Variants in NOL4 observed in about 807,000 individuals in gnomAD.
The protein encoded by NOL4 is nucleolar protein 4.
NOL4 carries 17 observed loss-of-function variants against 75.9 expected under a neutral mutation model. The observed-to-expected ratio is 0.22, with a 90% CI of 0.15 to 0.34. The LOEUF is 0.34. Ranked by LOEUF, NOL4 falls within the 10% of genes least tolerant of loss-of-function variation. NOL4 has a pLI of 1.00. For missense variants in NOL4, 614 were observed against 793.5 expected (o/e 0.77, Z 2.72); for synonymous variants, 292 against 289.9 (o/e 1.01, Z -0.07).
intron 10 of NOL4, among the ~76,000 whole-genome samples, chr18:33,864,172 T>C (rs1161835607): frequency 2.0e-5 from 3 of 152,176 alleles, no homozygotes; most frequent in Admixed American, 6.5e-5. Context: ...GAGTTACTGC[T>C]GCCAAGATCT....
intron 10 of NOL4, among the ~76,000 whole-genome samples, chr18:33,879,043 A>C (rs1306764314): frequency 6.6e-6 from 1 of 152,150 alleles, no homozygotes; most frequent in East Asian, 1.9e-4. Flanking sequence ...GTTCCTCTCT[A>C]TGTGAGGCTA....
intron 1 of NOL4, among the ~76,000 whole-genome samples, chr18:34,136,398 AT>A: frequency 6.6e-6 from 1 of 152,288 alleles, no homozygotes; most frequent in Non-Finnish European, 1.5e-5. Context: ...AGAAGTAAAA[AT>A]ATCTTTGTAG....
intron 5 of NOL4, among the ~76,000 whole-genome samples, chr18:34,061,255 CT>C (rs1382962577): frequency 6.6e-6 from 1 of 152,054 alleles, no homozygotes; most frequent in African/African-American, 2.4e-5. Context: ...AAGATATTTG[CT>C]GAATTAGTGT....
At chr18:34,065,353 C>A (rs542672775) in intron 5 of NOL4, among the ~76,000 whole-genome samples, 38 of 151,976 alleles carry the variant, frequency 2.5e-4, no homozygotes, top group Non-Finnish European at 4.6e-4. Context: ...AGCTTATTAA[C>A]CCTCACATAA....
intron 5 of NOL4, among the ~76,000 whole-genome samples, chr18:34,079,175 T>A (rs2077881940): frequency 6.6e-6 from 1 of 152,146 alleles, no homozygotes; most frequent in South Asian, 2.1e-4. Context: ...CCATATTTTG[T>A]GAGGCTTTGG....
intron 10 of NOL4, among the ~76,000 whole-genome samples, chr18:33,860,948 C>A (rs1226892246): frequency 2.6e-5 from 4 of 152,000 alleles, no homozygotes; most frequent in Non-Finnish European, 4.4e-5. Flanking sequence ...ATTGATTTGC[C>A]TATATTGAAC....
intron 2 of NOL4, among the ~76,000 whole-genome samples, chr18:34,113,412 A>G (rs777490084): frequency 1.3e-5 from 2 of 152,150 alleles, no homozygotes; most frequent in Non-Finnish European, 2.9e-5. Flanking sequence ...GGCTGAGGCT[A>G]GAGGATCACT....
chr18:34,132,510 C>T (rs1368377224), intron 1 of NOL4, among the ~76,000 whole-genome samples: 1 of 152,088 alleles, frequency 6.6e-6, no homozygotes, highest in Admixed American at 6.6e-5. Flanking sequence ...GGAAAATTGT[C>T]TATTATCTTC....
At chr18:33,994,020 A>T (rs1415188224) in intron 6 of NOL4, among the ~76,000 whole-genome samples, 1 of 151,826 alleles carries the variant, frequency 6.6e-6, no homozygotes, top group East Asian at 1.9e-4. Flanking sequence ...ATAAGACAAA[A>T]TAGACTTTAA....
At chr18:34,008,222 C>T (rs766961656) in intron 6 of NOL4, among the ~76,000 whole-genome samples, 3 of 151,972 alleles carry the variant, frequency 2.0e-5, no homozygotes, top group Non-Finnish European at 4.4e-5. Flanking sequence ...ACACCATTGG[C>T]TCCCTTGGTT....
intron 9 of NOL4, among the ~76,000 whole-genome samples, chr18:33,917,066 A>G (rs1465178302): frequency 2.6e-5 from 4 of 152,298 alleles, no homozygotes; most frequent in African/African-American, 9.6e-5. Flanking sequence ...GCTGATAAGC[A>G]GCTTTTTTTT....
chr18:33,936,429 A>G (rs1385680914), intron 9 of NOL4, among the ~76,000 whole-genome samples: 1 of 138,480 alleles, frequency 7.2e-6, no homozygotes, highest in East Asian at 2.1e-4. Flanking sequence ...TTTTTTTGGT[A>G]ACTTAGTGAT....
chr18:33,958,895 A>C lies in NOL4; in HGVS notation c.1057-477T>G, dbSNP rs531748416. ...ATGCTAACTTTATTAGTATTCTTTAAACAGTTATGGAAACTGAGGGATGTT... is the reference window on the plus strand; with the variant it reads ...ATGCTAACTTTATTAGTATTCTTTACACAGTTATGGAAACTGAGGGATGTT... On this transcript the variant is annotated intron_variant, in intron 6 of 10. Coordinates refer to ENST00000261592, the MANE Select transcript of NOL4 (RefSeq NM_003787.5). 2.0e-5 allele frequency among the ~76,000 whole-genome samples: 3 copies of C among 152,244 alleles called. No individual in the cohort carries two copies. In the South Asian group the frequency reaches 6.2e-4, roughly 32 times the overall value.
chr18:33,888,610 G>A (rs999026371), intron 9 of NOL4, among the ~76,000 whole-genome samples: 1 of 151,960 alleles, frequency 6.6e-6, no homozygotes, highest in Non-Finnish European at 1.5e-5. Flanking sequence ...GTGTAAGGAA[G>A]GGATCCAGTT....
intron 9 of NOL4, among the ~76,000 whole-genome samples, chr18:33,928,528 T>G (rs2067482373): frequency 6.6e-6 from 1 of 152,064 alleles, no homozygotes; most frequent in Non-Finnish European, 1.5e-5. Flanking sequence ...CAGCTTCAGA[T>G]TCTCCATCCA....
rs868347391 is a variant in NOL4, at chr18:33,886,944, C to A, written c.1543-3520G>T. On this transcript the variant is annotated intron_variant, in intron 9 of 10. Transcript: ENST00000261592. ...CATATATATCTATATATCTATATAT[C>A]TAGATATATTATATCTAGATATATC... Among the ~76,000 whole-genome samples, 12 of 125,678 alleles carry A rather than the reference C, an allele frequency of 9.5e-5. No individual in the cohort carries two copies. In the South Asian group the frequency reaches 2.8e-3, roughly 29 times the overall value. 82.4% of individuals were successfully genotyped at this position (125,678 alleles called of 152,430 possible).
chr18:33,970,100 C>A (rs557975966), intron 6 of NOL4, among the ~76,000 whole-genome samples: 1 of 152,238 alleles, frequency 6.6e-6, no homozygotes, highest in African/African-American at 2.4e-5. Context: ...TGATGCAGCT[C>A]CTGAAAGTCT....
At chr18:34,130,045 A>C in intron 1 of NOL4, 25 bp from the exon 2 acceptor site, 1 of 1,511,016 alleles carries the variant, frequency 6.6e-7, no homozygotes. Context: ...ACAACAACAA[A>C]AACCCATAAG....
intron 6 of NOL4, among the ~76,000 whole-genome samples, chr18:34,015,423 G>T (rs1036575534): frequency 6.6e-5 from 10 of 151,930 alleles, no homozygotes; most frequent in African/African-American, 2.4e-4. Flanking sequence ...TCTAAGGATC[G>T]CTTAGTTTAA....
Sources: gnomAD v4.1 joint callset for allele counts (sites outside exome capture counted in the v4.1 genomes callset) on GRCh38, gnomAD v4.1.1 for gene constraint, MANE v1.5 for transcripts, NCBI Gene and HGNC (gene_info 2026-07-23, HGNC 2026-07-21) for gene names.